BNC1: variants seen among roughly 807,000 people sequenced by gnomAD.
BNC1 encodes the protein zinc finger protein basonuclin-1.
BNC1 carries 8 observed loss-of-function variants against 66.5 expected under a neutral mutation model. The ratio of observed to expected loss-of-function variants is 0.12; its 90% CI spans 0.07 to 0.22. BNC1 has a LOEUF of 0.22. BNC1 is among the 10% of genes least tolerant of loss of function. The probability of loss-of-function intolerance (pLI) is 1.00; values close to 1 mark genes in which losing one functional copy is unlikely to be tolerated. For missense variants in BNC1, 1,069 were observed against 1,241.3 expected (o/e 0.86, Z 2.09); for synonymous variants, 454 against 452.6 (o/e 1.00, Z -0.04).
Position 83,264,741 on chromosome 15 carries a change from G to T in BNC1, c.510C>A (p.Phe170Leu), listed in dbSNP as rs947886733. The T allele has an allele frequency of 6.2e-7, 1 of 1,614,154 alleles. No individual in the cohort carries two copies. Among genetic ancestry groups the T allele is most frequent in the Admixed American group, 1.7e-5 (1 of 60,022 alleles). Residue 170 changes from phenylalanine to leucine, a missense_variant, in exon 4 of 5, where the codon TTC (phenylalanine) becomes TTA (leucine). Transcript: ENST00000345382. Reference sequence around the variant, plus strand: ...TAGATTTGGTCTCTCCAAAACGAAGGAACTGCTGCAAGGTGGCCACTTCTT... The same window carrying T: ...TAGATTTGGTCTCTCCAAAACGAAGTAACTGCTGCAAGGTGGCCACTTCTT... The part of the protein sequence containing the change: ...SEEEVATLQQ[F>L]LRFGETKSIV...
At chr15:83,276,129 A>C (rs1213912951) in intron 1 of BNC1, among the ~76,000 whole-genome samples, 2 of 152,180 alleles carry the variant, frequency 1.3e-5, no homozygotes, top group Non-Finnish European at 2.9e-5. Flanking sequence ...CCTACCTCAG[A>C]GGCCTGTTAG....
intron 1 of BNC1, among the ~76,000 whole-genome samples, chr15:83,272,394 C>CTTTTTTTTTTTT (rs750429207): frequency 3.3e-5 from 4 of 122,696 alleles, no homozygotes; most frequent in African/African-American, 1.0e-4. Flanking sequence ...CCACACCTGG[C>CTTTTTTTTTTTT]TTTTTTTTTT....
intron 1 of BNC1, among the ~76,000 whole-genome samples, chr15:83,269,702 T>C (rs1036720756): frequency 2.6e-5 from 4 of 152,190 alleles, no homozygotes; most frequent in African/African-American, 7.2e-5. Flanking sequence ...AGTTACTATA[T>C]GACCCAGAAA....
At chr15:83,284,335 C>T (rs1327579720) in intron 1 of BNC1, among the ~76,000 whole-genome samples, 195 bp downstream of exon 1, 2 of 151,792 alleles carry the variant, frequency 1.3e-5, no homozygotes, top group Admixed American at 6.6e-5. Flanking sequence ...GAGCCCCAAC[C>T]CCCCCGCCGC....
chr15:83,258,410 C>A (rs1266990860), intron 4 of BNC1, among the ~76,000 whole-genome samples: 1 of 152,164 alleles, frequency 6.6e-6, no homozygotes, highest in Non-Finnish European at 1.5e-5. Context: ...ACTTTCTGTA[C>A]CTCATGTCCT....
At chr15:83,272,394 C>CTTTTTTTTTTTTTTTTTTTT (rs750429207) in intron 1 of BNC1, among the ~76,000 whole-genome samples, 16 of 122,696 alleles carry the variant, frequency 1.3e-4, no homozygotes, top group African/African-American at 3.1e-4. Context: ...CCACACCTGG[C>CTTTTTTTTTTTTTTTTTTTT]TTTTTTTTTT....
chr15:83,272,613 G>A (rs1048128217), intron 1 of BNC1, among the ~76,000 whole-genome samples: 2 of 152,082 alleles, frequency 1.3e-5, no homozygotes, highest in Non-Finnish European at 2.9e-5. Flanking sequence ...AATAAGACCT[G>A]CTTTAACCAG....
At chr15:83,260,593 T>C (rs1279142491) in intron 4 of BNC1, among the ~76,000 whole-genome samples, 2 of 152,168 alleles carry the variant, frequency 1.3e-5, no homozygotes, top group African/African-American at 4.8e-5. Flanking sequence ...AGTAATCACA[T>C]TCAACTGTAA....
At chr15:83,283,290 T>C (rs1235852505) in intron 1 of BNC1, 2 of 1,515,094 alleles carry the variant, frequency 1.3e-6, no homozygotes, top group African/African-American at 2.8e-5. Flanking sequence ...TCTTGTCACA[T>C]CTGGCTGACA....
Position 83,275,971 on chromosome 15 carries a change from G to A in BNC1, c.100-7739C>T, listed in dbSNP as rs180971823. Among the ~76,000 whole-genome samples the A allele has an allele frequency of 9.3e-4, 141 of 151,926 alleles. 1 individual carries two copies. Among genetic ancestry groups the A allele is most frequent in the Non-Finnish European group, 2.2e-4 (15 of 67,978 alleles). The stretch of plus-strand genomic sequence containing the variant: ...GGCTGGGGAGCCCGAGCCCCTTCCC[G>A]TTCACCTCACCGGGCACCTTTCACT... On this transcript the variant is annotated intron_variant, in intron 1 of 4. Transcript: ENST00000345382.
chr15:83,272,848 T>C (rs1040831063), intron 1 of BNC1, among the ~76,000 whole-genome samples: 1 of 152,202 alleles, frequency 6.6e-6, no homozygotes, highest in Non-Finnish European at 1.5e-5. Context: ...GGATAATGCT[T>C]TGTAGTGGGG....
intron 1 of BNC1, among the ~76,000 whole-genome samples, chr15:83,274,694 C>G (rs1280218402): frequency 6.6e-6 from 1 of 152,198 alleles, no homozygotes; most frequent in African/African-American, 2.4e-5. Context: ...TGCCCAGGGT[C>G]ACGCAGTTGG....
At chr15:83,284,484 T>A in intron 1 of BNC1, 46 bp downstream of exon 1, 1 of 1,148,218 alleles carries the variant, frequency 8.7e-7, no homozygotes, top group Non-Finnish European at 1.1e-6. Flanking sequence ...GGCCGCCTGC[T>A]CCGCGCACAG....
chr15:83,257,727 G>C lies in BNC1; in HGVS notation c.2700C>G (p.Val900=), dbSNP rs1358975909. The stretch of plus-strand genomic sequence containing the variant: ...AGATGGGGTACTCATCTTCCCCAGG[G>C]ACAAGGCTCGACCCTTCACAGTTCC... ...SDGNCEGSSL[V]PGEDEYPICV... The change falls in exon 5 of 5, where the codon GTC becomes GTG. Residue 900 remains valine, a synonymous_variant. Coordinates refer to ENST00000345382, the MANE Select transcript of BNC1 (RefSeq NM_001717.4). The C allele has an allele frequency of 3.7e-6, 6 of 1,614,120 alleles. No individual in the cohort carries two copies. The highest frequency in any genetic ancestry group is 5.1e-6 in the Non-Finnish European group (6 of 1,180,008).
chr15:83,270,816 C>T (rs182196701), intron 1 of BNC1, among the ~76,000 whole-genome samples: 97 of 152,276 alleles, frequency 6.4e-4, no homozygotes, highest in Non-Finnish European at 1.2e-3. Flanking sequence ...CTTTGAAGCA[C>T]AGAAGTTTCA....
In BNC1 at chr15:83,264,835, T is replaced by C. The variant is rs1461336392; in HGVS notation, c.436-20A>G. ...TGCATCCTAAACCCAAACCAGATGT[T>C]AGAAGTGTGATCAATTTACAACTCC... On this transcript the variant is annotated intron_variant, in intron 3 of 4. Coordinates refer to ENST00000345382, the MANE Select transcript of BNC1 (RefSeq NM_001717.4). 3 of 1,602,312 alleles carry C rather than the reference T, an allele frequency of 1.9e-6. No individual in the cohort carries two copies. Among genetic ancestry groups the C allele is most frequent in the Non-Finnish European group, 1.7e-6 (2 of 1,174,002 alleles).
At chr15:83,284,469 T>C (rs922297153) in intron 1 of BNC1, 61 bp downstream of exon 1, 1 of 1,065,192 alleles carries the variant, frequency 9.4e-7, no homozygotes, top group Non-Finnish European at 1.2e-6. Context: ...CCCAGCGGCG[T>C]CCCGGGCCGC....
rs936790129 is a variant in BNC1 at position 83,257,505 on chromosome 15, G to C, written c.2922C>G (p.Asn974Lys). The C allele has an allele frequency of 5.0e-6, 8 of 1,614,072 alleles. No individual in the cohort carries two copies. The highest frequency in any genetic ancestry group is 6.8e-6 in the Non-Finnish European group (8 of 1,180,046). The change falls in exon 5 of 5, where the codon AAC becomes AAG. Residue 974 changes from asparagine (N) to lysine (K), a missense_variant. By Grantham distance (94) the Asn-to-Lys change is moderately conservative. Around this residue, in one of 7 missense-constraint regions of BNC1, gnomAD observed 657 missense variants for 715.8 expected, o/e 0.92. Coordinates refer to ENST00000345382, the MANE Select transcript of BNC1 (RefSeq NM_001717.4). The stretch of plus-strand genomic sequence containing the variant: ...GCAGGTTGGGATTCTGGCTGTGTCT[G>C]TTTCGACTGCGAACAGACGAAAACA... Reference protein sequence around the residue: ...NTMFSSVRSRNRHSQNPNLHK... With the variant: ...NTMFSSVRSRKRHSQNPNLHK...
Position 83,263,335 on chromosome 15 carries a change from G to T in BNC1, c.1916C>A (p.Thr639Lys). ...THNSERETEQ[T>K]PALIMVPREV... The stretch of plus-strand genomic sequence containing the variant: ...CCTTGGCACCATGATCAATGCTGGT[G>T]TCTGCTCAGTCTCCCTCTCTGAATT... The change falls in exon 4 of 5, where the codon ACA becomes AAA. Residue 639 changes from threonine to lysine, a missense_variant. Around this residue, in one of 7 missense-constraint regions of BNC1, gnomAD observed 657 missense variants for 715.8 expected, o/e 0.92. Coordinates refer to ENST00000345382, the MANE Select transcript of BNC1 (RefSeq NM_001717.4). 1 of 1,614,218 alleles carries T rather than the reference G, an allele frequency of 6.2e-7. No homozygotes were observed. Among genetic ancestry groups the T allele is most frequent in the East Asian group, 2.2e-5 (1 of 44,882 alleles).
Sources: allele counts gnomAD v4.1 joint callset (sites outside exome capture counted in the v4.1 genomes callset), GRCh38; gene constraint gnomAD v4.1.1; regional missense constraint gnomAD v4.1.1; transcripts MANE v1.5; gene names NCBI Gene and HGNC (gene_info 2026-07-23, HGNC 2026-07-21).